B3GNT4: variants seen among roughly 807,000 people sequenced by gnomAD.
B3GNT4 encodes the protein UDP-GlcNAc:betaGal beta-1,3-N-acetylglucosaminyltransferase 4, also known as N-acetyllactosaminide beta-1,3-N-acetylglucosaminyltransferase 4.
In B3GNT4, 2 loss-of-function variants were observed where a neutral mutation model predicts 2.7. That is an observed-to-expected ratio of 0.73 (90% CI 0.30 to 2.31). The LOEUF (loss-of-function observed/expected upper bound fraction) is 2.31, where lower values mean the gene tolerates loss of function less well. B3GNT4 is among the 30% of genes most tolerant of loss of function. The probability of loss-of-function intolerance (pLI) is 0.12; values close to 1 mark genes in which losing one functional copy is unlikely to be tolerated. For synonymous variants in B3GNT4, 280 were observed against 203.4 expected, an observed-to-expected ratio of 1.38 and a Z score of -3.20; for missense variants, 708 against 490.9, an observed-to-expected ratio of 1.44 and a Z score of -4.18.
In B3GNT4 at chr12:122,206,759, CTGCTGGCCTAT is replaced by C. The variant is rs1161958579; in HGVS notation, c.509_519del (p.Leu170ArgfsTer3). On this transcript the variant is annotated frameshift_variant, in exon 3 of 3. Transcript: ENST00000324189. LOFTEE classifies it low-confidence loss of function (END_TRUNC). ...GGCAGGATCCGCTCCCCCAGCCCAG[CTGCTGGCCTAT>C]GAGAGTAGGGAGTTTGATGACATCC... is the stretch of plus-strand genomic sequence containing the variant. The C allele has an allele frequency of 1.9e-6, 3 of 1,605,704 alleles. No homozygotes were observed. Among genetic ancestry groups the C allele is most frequent in the Non-Finnish European group, 2.6e-6 (3 of 1,175,328 alleles).
Position 122,207,092 on chromosome 12 carries a change from TATGTC to T in B3GNT4, c.847_851del (p.Met283GlnfsTer15). 6.2e-7 allele frequency: 1 copy of T among 1,614,068 alleles called. No homozygotes were observed. Among genetic ancestry groups the T allele is most frequent in the Non-Finnish European group, 8.5e-7 (1 of 1,180,000 alleles). ...CCCACCCTATGCTGGTGGGGGAGGATATGTCATGTCCAGAGCCACAGTGCGGCGCC... is the reference window on the plus strand; with the variant it reads ...CCCACCCTATGCTGGTGGGGGAGGATATGTCCAGAGCCACAGTGCGGCGCC... On this transcript the variant is annotated frameshift_variant, in exon 3 of 3. Transcript: ENST00000324189. LOFTEE classifies it low-confidence loss of function (END_TRUNC).
rs375511104 is a variant in B3GNT4 at position 122,206,744 on chromosome 12, G to C, written c.493G>C (p.Ala165Pro). ...LVFLLGVAGSAPPAQLLAYES... is the reference protein window; with the variant it reads ...LVFLLGVAGSPPPAQLLAYES... ...GTTCCTCCTAGGGGTGGCAGGATCC[G>C]CTCCCCCAGCCCAGCTGCTGGCCTA... Residue 165 changes from alanine to proline, a missense_variant, in exon 3 of 3, where the codon GCT (alanine) becomes CCT (proline). By Grantham distance (27) the Ala-to-Pro change is conservative (BLOSUM62 -1). Transcript: ENST00000324189. The C allele has an allele frequency of 3.1e-6, 5 of 1,605,728 alleles. No homozygotes were observed. The highest frequency in any genetic ancestry group is 3.4e-6 in the Non-Finnish European group (4 of 1,175,352).
In B3GNT4 at chr12:122,206,323, G is replaced by A. The variant is rs1170030039; in HGVS notation, c.72G>A (p.Pro24=). 5 of 1,561,090 alleles carry A rather than the reference G, an allele frequency of 3.2e-6. No homozygotes were observed. The highest frequency in any genetic ancestry group is 4.3e-6 in the Non-Finnish European group (5 of 1,153,120). The change falls in exon 3 of 3, where the codon CCG becomes CCA. Residue 24 remains proline (P), a synonymous_variant. Transcript: ENST00000324189. ...GGRSGLLPKG[P]AMLCRLCWLV... is the part of the protein sequence containing the mutation. ...AGGTGGCTCTCTCCTTGCAGGGACC[G>A]GCGATGCTCTGCAGGCTGTGCTGGC...
chr12:122,208,629 C>T lies in B3GNT4; in HGVS notation c.*1241C>T. 2 of 1,581,700 alleles carry T rather than the reference C, an allele frequency of 1.3e-6. No individual in the cohort carries two copies. The highest frequency in any genetic ancestry group is 1.7e-6 in the Non-Finnish European group (2 of 1,166,186). Reference sequence around the variant, plus strand: ...GAGCAGCCGTGCAGGGCGCGGAAGGCTCATGTGGACGTTGGCCTGGGGGTG... The same window carrying T: ...GAGCAGCCGTGCAGGGCGCGGAAGGTTCATGTGGACGTTGGCCTGGGGGTG... On this transcript the variant is annotated 3_prime_UTR_variant, in exon 3 of 3. Coordinates refer to ENST00000324189, the MANE Select transcript of B3GNT4 (RefSeq NM_030765.4).
In B3GNT4 at chr12:122,204,534, G is replaced by A. The variant is rs1423371266; in HGVS notation, c.-85G>A. On this transcript the variant is annotated 5_prime_UTR_variant, in exon 2 of 3. Transcript: ENST00000324189. ...CTCTCGTCCACAGCCCGCGGTGCTC[G>A]CACACCTGAGACTCATCTCGCTTCG... The A allele has an allele frequency of 4.2e-6, 5 of 1,190,388 alleles. No homozygotes were observed. Among genetic ancestry groups the A allele is most frequent in the Non-Finnish European group, 4.9e-6 (4 of 814,818 alleles). 73.7% of individuals were successfully genotyped at this position (1,190,388 alleles called of 1,614,324 possible).
In B3GNT4 at chr12:122,207,363, C is replaced by A; in HGVS notation, c.1112C>A (p.Ala371Glu). ...GTGACAGATGAGGGGCTCAAGTGTGCAGCTGGCCCCATACCCCAGCGCTGA... is the reference window on the plus strand; with the variant it reads ...GTGACAGATGAGGGGCTCAAGTGTGAAGCTGGCCCCATACCCCAGCGCTGA... ...ALVTDEGLKC[A>E]AGPIPQR is the part of the protein sequence containing the mutation. Residue 371 changes from alanine to glutamate, a missense_variant, in exon 3 of 3, where the codon GCA (alanine) becomes GAA (glutamate). Transcript: ENST00000324189. 1 of 1,579,828 alleles carries A rather than the reference C, an allele frequency of 6.3e-7. No homozygotes were observed. Among genetic ancestry groups the A allele is most frequent in the Non-Finnish European group, 8.6e-7 (1 of 1,161,584 alleles).
In B3GNT4 at chr12:122,207,823, T is replaced by C. The variant is rs1228506439; in HGVS notation, c.*435T>C. The C allele has an allele frequency of 2.2e-6, 1 of 463,254 alleles. No homozygotes were observed. The highest frequency in any genetic ancestry group is 6.8e-5 in the East Asian group (1 of 14,696). The allele number at this position is 463,254 out of a possible 1,614,324, so 28.7% of individuals were successfully genotyped here. ...TGTTGAGAGCACCAGGTAAACACTCTGCACCCCTTCTCTTAGTAGTAATAG... is the reference window on the plus strand; with the variant it reads ...TGTTGAGAGCACCAGGTAAACACTCCGCACCCCTTCTCTTAGTAGTAATAG... On this transcript the variant is annotated 3_prime_UTR_variant, in exon 3 of 3. Coordinates refer to ENST00000324189, the MANE Select transcript of B3GNT4 (RefSeq NM_030765.4).
rs189022944 is a variant in B3GNT4, at chr12:122,207,974, A to T, written c.*586A>T. ...TTCCCCTCCCCCTGCCACAACTGGC[A>T]TCCCAACAGAGGGAACAAGTACTAA... On this transcript the variant is annotated 3_prime_UTR_variant, in exon 3 of 3. Coordinates refer to ENST00000324189, the MANE Select transcript of B3GNT4 (RefSeq NM_030765.4). 14 of 469,050 alleles carry T rather than the reference A, an allele frequency of 3.0e-5. No individual in the cohort carries two copies. The East Asian group carries it at 4.7e-4, about 16-fold the overall frequency. 29.1% of individuals were successfully genotyped at this position (469,050 alleles called of 1,614,324 possible). A position where few individuals can be genotyped will look rare whatever the true frequency, so the allele number is the denominator to read the frequency against.
At position 122,207,440 on chromosome 12, in the gene B3GNT4, G is replaced by C. The variant is rs1011342730; in HGVS notation, c.*52G>C. Reference sequence around the variant, plus strand: ...GTGGACTCAGTGTTGATTCTCTATCGTGATGCGAAATTGATGCCTGCTGCT... The same window carrying C: ...GTGGACTCAGTGTTGATTCTCTATCCTGATGCGAAATTGATGCCTGCTGCT... On this transcript the variant is annotated 3_prime_UTR_variant, in exon 3 of 3. Transcript: ENST00000324189. The C allele has an allele frequency of 1.4e-6, 2 of 1,457,750 alleles. No individual in the cohort carries two copies. Among genetic ancestry groups the C allele is most frequent in the Admixed American group, 2.6e-5 (1 of 38,650 alleles). The allele number at this position is 1,457,750 out of a possible 1,614,324, so 90.3% of individuals were successfully genotyped here.
rs1953935625 is a variant in B3GNT4 at position 122,207,110 on chromosome 12, A to C, written c.859A>C (p.Thr287Pro). The C allele has an allele frequency of 1.9e-6, 3 of 1,614,146 alleles. No homozygotes were observed. The highest frequency in any genetic ancestry group is 1.3e-5 in the African/African-American group (1 of 75,044). ...GGGGYVMSRA[T>P]VRRLQAIMED... ...GGGAGGATATGTCATGTCCAGAGCC[A>C]CAGTGCGGCGCCTCCAGGCTATCAT... The change falls in exon 3 of 3, where the codon ACA becomes CCA. Residue 287 changes from threonine (T) to proline (P), a missense_variant. Coordinates refer to ENST00000324189, the MANE Select transcript of B3GNT4 (RefSeq NM_030765.4).
At position 122,207,185 on chromosome 12, in the gene B3GNT4, C is replaced by T; in HGVS notation, c.934C>T (p.Leu312=). Residue 312 remains leucine, a synonymous_variant, in exon 3 of 3, where the codon CTG becomes TTG. Transcript: ENST00000324189. ...PIDDVFVGMC[L]RRLGLSPMHH... ...TGATGATGTCTTTGTGGGTATGTGCCTGAGGCGGCTGGGGCTGAGCCCTAT... is the reference window on the plus strand; with the variant it reads ...TGATGATGTCTTTGTGGGTATGTGCTTGAGGCGGCTGGGGCTGAGCCCTAT... The T allele has an allele frequency of 6.2e-7, 1 of 1,614,006 alleles. No individual in the cohort carries two copies. Among genetic ancestry groups the T allele is most frequent in the Non-Finnish European group, 8.5e-7 (1 of 1,179,980 alleles).
chr12:122,206,078 G>A, intron 2 of B3GNT4: 1 of 451,482 alleles, frequency 2.2e-6, no homozygotes, highest in African/African-American at 2.0e-5. Flanking sequence ...AGTCCTTTTG[G>A]GAAAAACAGA....
chr12:122,205,967 A>T (rs1953908140), intron 2 of B3GNT4: 1 of 269,824 alleles, frequency 3.7e-6, no homozygotes, highest in Non-Finnish European at 6.9e-6. Context: ...AGTGAATTTG[A>T]TCCAAGCTAA....
chr12:122,205,244 G>T (rs1953899482), intron 2 of B3GNT4: 1 of 153,648 alleles, frequency 6.5e-6, no homozygotes, highest in African/African-American at 2.4e-5. Context: ...GGGCTTTTTA[G>T]CTACCCTTGG....
At position 122,206,912 on chromosome 12, in the gene B3GNT4, G is replaced by T; in HGVS notation, c.661G>T (p.Val221Phe). The T allele has an allele frequency of 1.2e-6, 2 of 1,614,080 alleles. No individual in the cohort carries two copies. Among genetic ancestry groups the T allele is most frequent in the African/African-American group, 2.7e-5 (2 of 75,060 alleles). Residue 221 changes from valine to phenylalanine, a missense_variant, in exon 3 of 3, where the codon GTC becomes TTC. Val to Phe is a conservative substitution (Grantham distance 50, BLOSUM62 -1). Transcript: ENST00000324189. ...AHFMLKGDDD[V>F]FVHVPNVLEF... Reference sequence around the variant, plus strand: ...TTTCATGCTAAAGGGAGATGACGATGTCTTTGTCCACGTCCCCAACGTGTT... The same window carrying T: ...TTTCATGCTAAAGGGAGATGACGATTTCTTTGTCCACGTCCCCAACGTGTT...
At chr12:122,204,439 C>A in intron 1 of B3GNT4, 83 bp from the exon 2 acceptor site, 1 of 626,544 alleles carries the variant, frequency 1.6e-6, no homozygotes, top group South Asian at 1.7e-5. Context: ...TGGGCTGAAA[C>A]CTCCTGGGAC....
At chr12:122,206,183 C>A in intron 2 of B3GNT4, 135 bp from the exon 3 acceptor site, 1 of 684,756 alleles carries the variant, frequency 1.5e-6, no homozygotes, top group Non-Finnish European at 2.4e-6. Context: ...CTGGAAAGAG[C>A]CTGAGGATAC....
rs925678086 is a variant in B3GNT4 at position 122,207,673 on chromosome 12, G to A, written c.*285G>A. On this transcript the variant is annotated 3_prime_UTR_variant, in exon 3 of 3. Coordinates refer to ENST00000324189, the MANE Select transcript of B3GNT4 (RefSeq NM_030765.4). ...GGAAGGAGGCTGCATAGGACCCCAG[G>A]AGAGACGCATTTTCTCTTTCAGATG... 1 of 632,222 alleles carries A rather than the reference G, an allele frequency of 1.6e-6. No individual in the cohort carries two copies. 39.2% of individuals were successfully genotyped at this position (632,222 alleles called of 1,614,324 possible). A position where few individuals can be genotyped will look rare whatever the true frequency, so the allele number is the denominator to read the frequency against.
At position 122,206,681 on chromosome 12, in the gene B3GNT4, G is replaced by C. The variant is rs754611702; in HGVS notation, c.430G>C (p.Val144Leu). 5.0e-6 allele frequency: 8 copies of C among 1,612,972 alleles called. No homozygotes were observed. Among genetic ancestry groups the C allele is most frequent in the Non-Finnish European group, 5.9e-6 (7 of 1,179,646 alleles). ...GGCTATCCGCAGCACGTGGGGCAGG[G>C]TGGGGGGATGGGCTAGGGGCCGGCA... ...RAAIRSTWGR[V>L]GGWARGRQLK... Residue 144 changes from valine (V) to leucine (L), a missense_variant, in exon 3 of 3, where the codon GTG becomes CTG. Coordinates refer to ENST00000324189, the MANE Select transcript of B3GNT4 (RefSeq NM_030765.4).
Sources: allele counts gnomAD v4.1 joint callset, GRCh38; gene constraint gnomAD v4.1.1; transcripts MANE v1.5; gene names NCBI Gene and HGNC (gene_info 2026-07-23, HGNC 2026-07-21).